The following MICOS10 variants were observed in gnomAD, a reference collection of about 807,000 sequenced individuals.
MICOS10 encodes mitochondrial contact site and cristae organizing system subunit 10.
MICOS10 carries 5 observed loss-of-function variants against 13.4 expected under a neutral mutation model. That is an observed-to-expected ratio of 0.37 (90% confidence interval 0.20 to 0.78). MICOS10 has a LOEUF of 0.78. MICOS10 is among the 30% of genes least tolerant of loss of function. The pLI is 0.47. For synonymous variants in MICOS10, 35 were observed against 33.6 expected (o/e 1.04, Z -0.15); for missense variants, 101 against 94.6 (o/e 1.07, Z -0.28).
chr1:19,623,291 C>T (rs1386302707), intron 2 of MICOS10, among the ~76,000 whole-genome samples, 183 bp from the exon 3 acceptor site: 2 of 152,172 alleles, frequency 1.3e-5, no homozygotes, highest in African/African-American at 4.8e-5. Context: ...AATAACTTCA[C>T]TAATTTACAC....
chr1:19,597,249 C>A, intron 1 of MICOS10, 140 bp downstream of exon 1: 1 of 869,816 alleles, frequency 1.1e-6, no homozygotes, highest in Non-Finnish European at 1.7e-6. Context: ...CAGGGCGAGC[C>A]GCCCGGGCCC....
At chr1:19,608,725 G>A in intron 1 of MICOS10, 1 of 538,934 alleles carries the variant, frequency 1.9e-6, no homozygotes, top group Non-Finnish European at 3.3e-6. Context: ...CTGATATACT[G>A]GATTTGATAA....
At chr1:19,602,988 G>A (rs2094821427) in intron 1 of MICOS10, among the ~76,000 whole-genome samples, 1 of 152,076 alleles carries the variant, frequency 6.6e-6, no homozygotes, top group Admixed American at 6.5e-5. Flanking sequence ...ACTTCCAGGG[G>A]CTGCTTCCCT....
chr1:19,616,136 G>T (rs1021241360), intron 1 of MICOS10, among the ~76,000 whole-genome samples: 2 of 152,050 alleles, frequency 1.3e-5, no homozygotes, highest in African/African-American at 4.8e-5. Context: ...GGCTGGTCTC[G>T]AACTCCTGAC....
intron 1 of MICOS10, among the ~76,000 whole-genome samples, chr1:19,603,188 G>A (rs545972615): frequency 1.2e-4 from 19 of 152,136 alleles, no homozygotes; most frequent in Non-Finnish European, 2.5e-4. Context: ...AAAATTAGCC[G>A]GGCATGGTGG....
At chr1:19,610,570 A>AT (rs2094856770) in intron 1 of MICOS10, among the ~76,000 whole-genome samples, 4 of 151,570 alleles carry the variant, frequency 2.6e-5, no homozygotes, top group Non-Finnish European at 4.4e-5. Context: ...GGATACTGAG[A>AT]GACAAGGTAT....
intron 3 of MICOS10, among the ~76,000 whole-genome samples, chr1:19,626,044 T>C (rs1171943898): frequency 6.6e-6 from 1 of 152,106 alleles, no homozygotes; most frequent in Non-Finnish European, 1.5e-5. Flanking sequence ...CTTACCGGGG[T>C]TGAGAAACTT....
At chr1:19,605,592 TC>T (rs1452185361) in intron 1 of MICOS10, among the ~76,000 whole-genome samples, 1 of 152,270 alleles carries the variant, frequency 6.6e-6, no homozygotes, top group Non-Finnish European at 1.5e-5. Flanking sequence ...TGTTCATCAT[TC>T]TTTTTTGTTA....
chr1:19,610,501 C>A (rs2094856471), intron 1 of MICOS10, among the ~76,000 whole-genome samples: 1 of 149,296 alleles, frequency 6.7e-6, no homozygotes, highest in African/African-American at 2.5e-5. Flanking sequence ...GCCTCAGCCT[C>A]CTGAGCAGCT....
At chr1:19,599,018 A>G (rs996321332) in intron 1 of MICOS10, among the ~76,000 whole-genome samples, 1 of 151,734 alleles carries the variant, frequency 6.6e-6, no homozygotes, top group Non-Finnish European at 1.5e-5. Flanking sequence ...CCAAAATGCC[A>G]GGATTACAGG....
intron 1 of MICOS10, among the ~76,000 whole-genome samples, chr1:19,604,592 G>A (rs1407488785): frequency 6.6e-6 from 1 of 152,152 alleles, no homozygotes; most frequent in Non-Finnish European, 1.5e-5. Flanking sequence ...CCCTGATCTT[G>A]GCTATTGTGG....
chr1:19,600,461 T>A (rs1231434695), intron 1 of MICOS10, among the ~76,000 whole-genome samples: 9 of 152,184 alleles, frequency 5.9e-5, no homozygotes, highest in Non-Finnish European at 1.3e-4. Flanking sequence ...ATTGGCTGCT[T>A]GCTTTTCTGG....
intron 1 of MICOS10, among the ~76,000 whole-genome samples, chr1:19,620,665 G>C (rs2094899955): frequency 6.6e-6 from 1 of 152,128 alleles, no homozygotes; most frequent in Non-Finnish European, 1.5e-5. Flanking sequence ...GCCTATAATA[G>C]GAGCAAAACT....
intron 3 of MICOS10, chr1:19,623,789 G>T (rs188715724): frequency 5.4e-4 from 274 of 503,370 alleles, no homozygotes; most frequent in Admixed American, 1.1e-3. Context: ...GCGTATGTAC[G>T]TTCAGATATA....
Position 19,626,476 on chromosome 1 carries a change from A to C in MICOS10, c.*75A>C. On this transcript the variant is annotated 3_prime_UTR_variant, in exon 4 of 4. Transcript: ENST00000322753. ...CCTCAGGAATACTGAAGTGCCCTGG[A>C]GTAAGCTGCCATTCTTCTGTAACAA... is the stretch of plus-strand genomic sequence containing the variant. 1 of 1,513,750 alleles carries C rather than the reference A, an allele frequency of 6.6e-7. No individual in the cohort carries two copies. The allele number at this position is 1,513,750 out of a possible 1,614,324, so 93.8% of individuals were successfully genotyped here.
intron 3 of MICOS10, 110 bp from the exon 4 acceptor site, chr1:19,626,277 G>A: frequency 2.3e-6 from 3 of 1,278,384 alleles, no homozygotes; most frequent in Non-Finnish European, 3.4e-6. Flanking sequence ...CGTAAACAGT[G>A]TGATAAGGTT....
chr1:19,603,035 C>T (rs892134448), intron 1 of MICOS10, among the ~76,000 whole-genome samples: 3 of 152,044 alleles, frequency 2.0e-5, no homozygotes, highest in African/African-American at 7.2e-5. Flanking sequence ...AGGTGTGGGT[C>T]ACAGAAGCAC....
At chr1:19,622,260 C>CAA in intron 2 of MICOS10, 113 bp downstream of exon 2, 1 of 719,472 alleles carries the variant, frequency 1.4e-6, no homozygotes, top group Non-Finnish European at 2.3e-6. Flanking sequence ...CCAACCCATC[C>CAA]ATTTATGGGG....
Position 19,623,493 on chromosome 1 carries a change from C to T in MICOS10, c.132C>T (p.Ala44=), listed in dbSNP as rs760792385. 1.9e-6 allele frequency: 3 copies of T among 1,611,782 alleles called. No individual in the cohort carries two copies. The highest frequency in any genetic ancestry group is 3.3e-5 in the Admixed American group (2 of 59,974). Residue 44 remains alanine, a synonymous_variant, in exon 3 of 4, where the codon GCC becomes GCT. Coordinates refer to ENST00000322753, the MANE Select transcript of MICOS10 (RefSeq NM_001032363.4). The part of the protein sequence containing the change: ...TFFKRRMWPL[A]FGSGMGLGMA... ...CACTAGGAAGAATGTGGCCATTAGCCTTCGGTTCTGGCATGGGATTAGGAA... is the reference window on the plus strand; with the variant it reads ...CACTAGGAAGAATGTGGCCATTAGCTTTCGGTTCTGGCATGGGATTAGGAA...
Sources: gnomAD v4.1 joint callset for allele counts (sites outside exome capture counted in the v4.1 genomes callset) on GRCh38, gnomAD v4.1.1 for gene constraint, MANE v1.5 for transcripts, NCBI Gene and HGNC (gene_info 2026-07-23, HGNC 2026-07-21) for gene names.